SLK: variants seen among roughly 807,000 people sequenced by gnomAD.
SLK encodes STE20-like serine/threonine-protein kinase.
SLK carries 67 observed loss-of-function variants against 147.7 expected under a neutral mutation model. That is an observed-to-expected ratio of 0.45 (90% CI 0.37 to 0.56). The LOEUF (loss-of-function observed/expected upper bound fraction) is 0.56, where lower values mean the gene tolerates loss of function less well. SLK is among the 20% of genes least tolerant of loss of function. The pLI is 0.00. For synonymous variants in SLK, 441 were observed against 475.0 expected, an observed-to-expected ratio of 0.93 and a Z score of 0.93; for missense variants, 1,136 against 1,438.8, an observed-to-expected ratio of 0.79 and a Z score of 3.41.
intron 18 of SLK, among the ~76,000 whole-genome samples, chr10:104,023,077 C>T (rs1346451711): frequency 6.6e-6 from 1 of 152,224 alleles, no homozygotes; most frequent in African/African-American, 2.4e-5. Context: ...AACTAGTTGA[C>T]AGTGGTCACA....
intron 13 of SLK, among the ~76,000 whole-genome samples, chr10:104,016,948 A>G (rs893318682): frequency 6.6e-6 from 1 of 152,202 alleles, no homozygotes; most frequent in African/African-American, 2.4e-5. Context: ...AATTGATTGA[A>G]TAGTCCATGA....
At chr10:104,003,654 A>G in intron 9 of SLK, 127 bp downstream of exon 9, 1 of 814,746 alleles carries the variant, frequency 1.2e-6, no homozygotes, top group Middle Eastern at 3.8e-4. Flanking sequence ...ATAAATTCTT[A>G]CAGCCTATGA....
intron 1 of SLK, among the ~76,000 whole-genome samples, chr10:103,983,427 G>A (rs1176478927): frequency 6.6e-6 from 1 of 152,152 alleles, no homozygotes; most frequent in Non-Finnish European, 1.5e-5. Flanking sequence ...TTGCTCATAG[G>A]TTTTGAAGGA....
chr10:104,009,402 T>C (rs1450223725), intron 12 of SLK, among the ~76,000 whole-genome samples: 8 of 152,164 alleles, frequency 5.3e-5, no homozygotes. Context: ...GGATTTGCTT[T>C]AAAAAGGGTA....
chr10:103,969,857 G>A (rs1843770143), intron 1 of SLK, among the ~76,000 whole-genome samples: 1 of 152,208 alleles, frequency 6.6e-6, no homozygotes. Context: ...TTAAAGTTCT[G>A]TGAGTATGTA....
intron 18 of SLK, among the ~76,000 whole-genome samples, chr10:104,022,325 G>A (rs148939228): frequency 0.011 from 1,618 of 152,218 alleles, 9 homozygotes; most frequent in Middle Eastern, 0.041. Flanking sequence ...TTGAAATCTG[G>A]TAAAATAGGG....
chr10:104,027,410 A>G lies in SLK; in HGVS notation c.*1690A>G, dbSNP rs1288610301. ...ACATATTATGTATGGTTGTAAATTC[A>G]TACACTTATCACATGAATGTGTTAC... is the stretch of plus-strand genomic sequence containing the variant. On this transcript the variant is annotated 3_prime_UTR_variant, in exon 19 of 19. Coordinates refer to ENST00000369755, the MANE Select transcript of SLK (RefSeq NM_014720.4). 6 of 152,554 alleles carry G rather than the reference A, an allele frequency of 3.9e-5. No individual in the cohort carries two copies. Among genetic ancestry groups the G allele is most frequent in the African/African-American group, 1.4e-4 (6 of 41,444 alleles). The allele number at this position is 152,554 out of a possible 1,614,324, so 9.5% of individuals were successfully genotyped here. A position where few individuals can be genotyped will look rare whatever the true frequency, so the allele number is the denominator to read the frequency against.
At chr10:104,024,018 A>C (rs1340720068) in intron 18 of SLK, among the ~76,000 whole-genome samples, 1 of 151,872 alleles carries the variant, frequency 6.6e-6, no homozygotes, top group African/African-American at 2.4e-5. Context: ...ATGTTCCTTC[A>C]TCTCCATCTC....
In SLK at chr10:104,011,562, C is replaced by CT. The variant is rs763549049; in HGVS notation, c.2877+668dup. On this transcript the variant is annotated intron_variant, in intron 13 of 18. Transcript: ENST00000369755. ...AGCCTTGTCATAAGATGGGTGAATT[C>CT]TTTTTTTTTTTTTTGGTGAATTGGA... Among the ~76,000 whole-genome samples the CT allele has an allele frequency of 3.2e-3, 429 of 132,864 alleles. 3 individuals are homozygous for CT. Among genetic ancestry groups the CT allele is most frequent in the African/African-American group, 8.6e-3 (295 of 34,210 alleles). 87.2% of individuals were successfully genotyped at this position (132,864 alleles called of 152,430 possible). A position where few individuals can be genotyped will look rare whatever the true frequency, so the allele number is the denominator to read the frequency against.
chr10:104,022,228 AAAGG>A (rs1401420376), intron 18 of SLK, among the ~76,000 whole-genome samples: 2 of 152,054 alleles, frequency 1.3e-5, no homozygotes, highest in East Asian at 1.9e-4. Flanking sequence ...GGGAGGAAGA[AAAGG>A]AAGGAAGGAA....
At chr10:103,984,500 C>T (rs1843987588) in intron 1 of SLK, among the ~76,000 whole-genome samples, 1 of 152,050 alleles carries the variant, frequency 6.6e-6, no homozygotes, top group Non-Finnish European at 1.5e-5. Flanking sequence ...TGCAACCTCT[C>T]CCTCCTGGGT....
At chr10:104,007,340 T>C (rs1252165731) in intron 11 of SLK, among the ~76,000 whole-genome samples, 3 of 152,144 alleles carry the variant, frequency 2.0e-5, no homozygotes, top group Non-Finnish European at 4.4e-5. Flanking sequence ...GCGCAGTGCC[T>C]TATTCCTGTA....
intron 4 of SLK, among the ~76,000 whole-genome samples, chr10:103,995,423 C>CTTTTTTTTTTTTTTTTTTTT (rs756975426): frequency 7.4e-5 from 5 of 67,704 alleles, no homozygotes; most frequent in Non-Finnish European, 8.3e-5. Context: ...TCTTTCTTTT[C>CTTTTTTTTTTTTTTTTTTTT]TTTTTTTTTT....
intron 1 of SLK, among the ~76,000 whole-genome samples, chr10:103,977,620 C>A (rs796864175): frequency 1.2e-4 from 18 of 152,312 alleles, no homozygotes; most frequent in African/African-American, 4.3e-4. Context: ...CAAACAACAA[C>A]AGCAAACAAC....
At chr10:103,982,200 G>C (rs545700577) in intron 1 of SLK, among the ~76,000 whole-genome samples, 163 of 151,866 alleles carry the variant, frequency 1.1e-3, no homozygotes, top group Admixed American at 2.1e-3. Flanking sequence ...TTGTCTTTTT[G>C]TGTTCTGTTT....
rs375549547 is a variant in SLK at position 104,021,609 on chromosome 10, T to C, written c.3448-11T>C. On this transcript the variant is annotated splice_polypyrimidine_tract_variant and intron_variant, in intron 17 of 18. Transcript: ENST00000369755. ...ATCTGAAATTTTTTTAAATCCCAAC[T>C]TTATTTTCAGAATGAAAAATGCCAC... 1.0e-5 allele frequency: 16 copies of C among 1,543,496 alleles called. No individual in the cohort carries two copies. In the African/African-American group the frequency reaches 2.1e-4, roughly 20 times the overall value.
intron 1 of SLK, among the ~76,000 whole-genome samples, chr10:103,972,398 C>T (rs924881748): frequency 2.6e-5 from 4 of 152,178 alleles, no homozygotes; most frequent in Non-Finnish European, 2.9e-5. Context: ...CCCTGCCAGG[C>T]GCGGTGGCTC....
chr10:104,000,782 G>A (rs1355023252), intron 7 of SLK, among the ~76,000 whole-genome samples: 8 of 152,142 alleles, frequency 5.3e-5, no homozygotes, highest in Admixed American at 6.5e-5. Flanking sequence ...ATGAGGCCAG[G>A]TGTAGTGGCT....
At chr10:104,007,603 G>A (rs1487098103) in intron 11 of SLK, among the ~76,000 whole-genome samples, 1 of 150,102 alleles carries the variant, frequency 6.7e-6, no homozygotes, top group African/African-American at 2.5e-5. Flanking sequence ...GGGAGATCCT[G>A]TCTCAAAAAG....
Sources: allele counts gnomAD v4.1 joint callset (sites outside exome capture counted in the v4.1 genomes callset), GRCh38; gene constraint gnomAD v4.1.1; transcripts MANE v1.5; gene names NCBI Gene and HGNC (gene_info 2026-07-23, HGNC 2026-07-21).